The following NNMT variants were observed in gnomAD, a reference collection of about 807,000 sequenced individuals.
The protein encoded by NNMT is nicotinamide N-methyltransferase.
A neutral mutation model predicts 11.7 loss-of-function variants in NNMT; 10 were observed. The observed-to-expected ratio is 0.85, with a 90% CI of 0.53 to 1.45. The LOEUF (loss-of-function observed/expected upper bound fraction) is 1.45. Ranked by LOEUF, NNMT falls within the 40% of genes most tolerant of loss-of-function variation. NNMT has a pLI of 0.00. For synonymous variants in NNMT, 143 were observed against 133.8 expected (o/e 1.07, Z -0.48); for missense variants, 381 against 319.4 (o/e 1.19, Z -1.47).
intron 2 of NNMT, among the ~76,000 whole-genome samples, chr11:114,289,535 G>C (rs1945320701): frequency 6.6e-6 from 1 of 152,070 alleles, no homozygotes; most frequent in Non-Finnish European, 1.5e-5. Context: ...CAACTCATGA[G>C]TTTTTATATG....
At chr11:114,272,851 T>C (rs1445597266) in intron 2 of NNMT, among the ~76,000 whole-genome samples, 3 of 152,176 alleles carry the variant, frequency 2.0e-5, no homozygotes, top group Non-Finnish European at 4.4e-5. Flanking sequence ...CTAGATAGAC[T>C]TTTCCCACTT....
upstream of NNMT, among the ~76,000 whole-genome samples, chr11:114,294,974 G>A (rs1044489159): frequency 1.3e-5 from 2 of 152,194 alleles, no homozygotes; most frequent in Non-Finnish European, 2.9e-5. Context: ...AAGAGAGAGC[G>A]AATTCTCTGG....
chr11:114,288,120 T>C (rs1231961213), intron 2 of NNMT, among the ~76,000 whole-genome samples: 1 of 152,220 alleles, frequency 6.6e-6, no homozygotes, highest in Non-Finnish European at 1.5e-5. Flanking sequence ...ATAATTTACT[T>C]GTAGATTATT....
At chr11:114,302,727 T>C (rs1177768554) in intron 2 of NNMT, among the ~76,000 whole-genome samples, 2 of 152,160 alleles carry the variant, frequency 1.3e-5, no homozygotes, top group Non-Finnish European at 2.9e-5. Context: ...TTGGACTGAA[T>C]GTTTTTATCC....
At chr11:114,278,291 G>C (rs554270910) in intron 2 of NNMT, among the ~76,000 whole-genome samples, 1 of 152,200 alleles carries the variant, frequency 6.6e-6, no homozygotes, top group African/African-American at 2.4e-5. Flanking sequence ...TCTTGTGAAA[G>C]AGCTCACTCG....
At chr11:114,298,675 C>T (rs1378307365) in intron 2 of NNMT, among the ~76,000 whole-genome samples, 1 of 152,134 alleles carries the variant, frequency 6.6e-6, no homozygotes, top group East Asian at 1.9e-4. Context: ...AGGTAAGAAA[C>T]ATAAAGGAAT....
intron 2 of NNMT, among the ~76,000 whole-genome samples, chr11:114,299,847 G>A (rs984080479): frequency 7.3e-5 from 11 of 150,296 alleles, no homozygotes; most frequent in Non-Finnish European, 3.0e-5. Context: ...TGTAGGATCT[G>A]TAGTGATCTC....
chr11:114,307,790 C>T (rs1945506578), intron 2 of NNMT, among the ~76,000 whole-genome samples: 1 of 151,978 alleles, frequency 6.6e-6, no homozygotes, highest in Admixed American at 6.6e-5. Context: ...CCCGCCCTCC[C>T]TGCTTGCTTC....
chr11:114,280,492 G>A (rs1945251590), intron 2 of NNMT, among the ~76,000 whole-genome samples: 1 of 152,142 alleles, frequency 6.6e-6, no homozygotes, highest in Non-Finnish European at 1.5e-5. Context: ...CCTGCCTGTT[G>A]CACACCCTGT....
chr11:114,281,415 G>T (rs1332122392), intron 2 of NNMT, among the ~76,000 whole-genome samples: 1 of 152,182 alleles, frequency 6.6e-6, no homozygotes, highest in East Asian at 1.9e-4. Flanking sequence ...GAGCACTGGG[G>T]AGTATAGAGG....
At chr11:114,278,242 G>A (rs1007271791) in intron 2 of NNMT, among the ~76,000 whole-genome samples, 1 of 152,120 alleles carries the variant, frequency 6.6e-6, no homozygotes, top group Admixed American at 6.5e-5. Context: ...GAGCAAGAGA[G>A]AGAGGAGGAG....
chr11:114,305,620 T>C (rs1405790697), intron 2 of NNMT, among the ~76,000 whole-genome samples: 2 of 151,850 alleles, frequency 1.3e-5, no homozygotes, highest in South Asian at 2.1e-4. Flanking sequence ...GTCCTTGAGA[T>C]AGTTTGCTCA....
At chr11:114,277,153 G>A (rs1229092312) in intron 2 of NNMT, among the ~76,000 whole-genome samples, 1 of 151,694 alleles carries the variant, frequency 6.6e-6, no homozygotes, top group Non-Finnish European at 1.5e-5. Flanking sequence ...AACCCGGGAG[G>A]TGGAGGTTGC....
At chr11:114,260,626 C>A (rs1383666653) in intron 1 of NNMT, among the ~76,000 whole-genome samples, 1 of 152,176 alleles carries the variant, frequency 6.6e-6, no homozygotes, top group Admixed American at 6.5e-5. Flanking sequence ...AAACACTGTC[C>A]TTGCCTGCAT....
upstream of NNMT, among the ~76,000 whole-genome samples, chr11:114,295,126 T>C (rs1945363083): frequency 6.6e-6 from 1 of 152,200 alleles, no homozygotes; most frequent in Non-Finnish European, 1.5e-5. Flanking sequence ...TTGCAATGGT[T>C]ATCTTGAGGA....
At position 114,312,396 on chromosome 11, in the gene NNMT, C is replaced by A; in HGVS notation, c.714C>A (p.Ile238=). The stretch of plus-strand genomic sequence containing the variant: ...ACACAATCGAATGGTTTGAGGTGAT[C>A]TCGCAAAGTTATTCTTCCACCATGG... ...AGYTIEWFEV[I]SQSYSSTMAN... Residue 238 remains isoleucine, a synonymous_variant, in exon 3 of 3, where the codon ATC becomes ATA. Transcript: ENST00000299964. 6.2e-7 allele frequency: 1 copy of A among 1,614,240 alleles called. No individual in the cohort carries two copies. The highest frequency in any genetic ancestry group is 8.5e-7 in the Non-Finnish European group (1 of 1,180,044).
At position 114,297,983 on chromosome 11, in the gene NNMT, G is replaced by C. The variant is rs769659803; in HGVS notation, c.187G>C (p.Gly63Arg). Residue 63 changes from glycine to arginine, a missense_variant, in exon 2 of 3, where the codon GGC (glycine) becomes CGC (arginine). By Grantham distance (125) the Gly-to-Arg change is moderately radical. Coordinates refer to ENST00000299964, the MANE Select transcript of NNMT (RefSeq NM_006169.3). Reference protein sequence around the residue: ...GVKGDLLIDIGSGPTIYQLLS... With the variant: ...GVKGDLLIDIRSGPTIYQLLS... ...GAAGGGAGACCTGCTGATTGACATC[G>C]GCTCTGGCCCCACTATCTATCAGCT... 2 of 1,613,116 alleles carry C rather than the reference G, an allele frequency of 1.2e-6. No homozygotes were observed. Among genetic ancestry groups the C allele is most frequent in the East Asian group, 2.2e-5 (1 of 44,876 alleles).
intron 2 of NNMT, among the ~76,000 whole-genome samples, chr11:114,263,611 A>G (rs1591824153): frequency 6.6e-6 from 1 of 152,222 alleles, no homozygotes; most frequent in South Asian, 2.1e-4. Context: ...ACCACCTGGC[A>G]GATAACGCAC....
At chr11:114,279,925 AG>A (rs975375812) in intron 2 of NNMT, among the ~76,000 whole-genome samples, 7 of 152,162 alleles carry the variant, frequency 4.6e-5, no homozygotes, top group Admixed American at 3.3e-4. Flanking sequence ...AGGAACTAGC[AG>A]GTTGCCAGGC....
Sources: allele counts gnomAD v4.1 joint callset (sites outside exome capture counted in the v4.1 genomes callset), GRCh38; gene constraint gnomAD v4.1.1; transcripts MANE v1.5; gene names NCBI Gene and HGNC (gene_info 2026-07-23, HGNC 2026-07-21).